DOK6: variants seen among roughly 807,000 people sequenced by gnomAD.
DOK6 encodes downstream of tyrosine kinase 6.
DOK6 carries 22 observed loss-of-function variants against 44.0 expected under a neutral mutation model. That is an observed-to-expected ratio of 0.50 (90% CI 0.36 to 0.71). The LOEUF is 0.71. DOK6 is among the 30% of genes least tolerant of loss of function. DOK6 has a pLI of 0.00. For missense variants in DOK6, 340 were observed against 416.4 expected (o/e 0.82, Z 1.60); for synonymous variants, 166 against 145.5 (o/e 1.14, Z -1.01).
chr18:69,636,740 C>A (rs140925342), intron 3 of DOK6, among the ~76,000 whole-genome samples: 2 of 152,138 alleles, frequency 1.3e-5, no homozygotes, highest in African/African-American at 2.4e-5. Context: ...TCAGTATTTG[C>A]CTTAAACTTA....
chr18:69,445,876 G>A (rs1175796650), intron 1 of DOK6, among the ~76,000 whole-genome samples: 1 of 151,990 alleles, frequency 6.6e-6, no homozygotes, highest in Non-Finnish European at 1.5e-5. Context: ...ACACAGCGAG[G>A]TTATGTCTTT....
At chr18:69,592,277 A>T (rs982969300) in intron 2 of DOK6, among the ~76,000 whole-genome samples, 9 of 149,552 alleles carry the variant, frequency 6.0e-5, no homozygotes, top group African/African-American at 2.2e-4. Context: ...TCCAAGTGTC[A>T]TGTCTACAAA....
rs913582691 is a variant in DOK6, at chr18:69,549,858, G to A, written c.67-14629G>A. The stretch of plus-strand genomic sequence containing the variant: ...TTAGATTTATCTAAGAAAACGTGGG[G>A]AAGAGTTTTTAATTTTTTTTTTTTT... On this transcript the variant is annotated intron_variant, in intron 1 of 7. Coordinates refer to ENST00000382713, the MANE Select transcript of DOK6 (RefSeq NM_152721.6). Among the ~76,000 whole-genome samples the A allele has an allele frequency of 2.2e-5, 3 of 134,416 alleles. 1 individual carries two copies. Among genetic ancestry groups the A allele is most frequent in the Non-Finnish European group, 4.8e-5 (3 of 62,100 alleles). The allele number at this position is 134,416 out of a possible 152,430, so 88.2% of individuals were successfully genotyped here. A position where few individuals can be genotyped will look rare whatever the true frequency, so the allele number is the denominator to read the frequency against.
intron 1 of DOK6, among the ~76,000 whole-genome samples, chr18:69,410,013 T>C (rs1433515133): frequency 2.6e-5 from 4 of 152,036 alleles, no homozygotes; most frequent in East Asian, 1.9e-4. Flanking sequence ...CCTTAAGTTT[T>C]AGCTATATAA....
At chr18:69,684,684 T>C (rs984020720) in intron 4 of DOK6, among the ~76,000 whole-genome samples, 4 of 152,180 alleles carry the variant, frequency 2.6e-5, no homozygotes, top group African/African-American at 7.2e-5. Context: ...GCTTATATCA[T>C]CCTGTATAAA....
chr18:69,745,886 A>G (rs1376989632), intron 6 of DOK6, among the ~76,000 whole-genome samples: 1 of 152,234 alleles, frequency 6.6e-6, no homozygotes, highest in Non-Finnish European at 1.5e-5. Context: ...CTAAAAATTC[A>G]TCCCAGCTTT....
intron 5 of DOK6, among the ~76,000 whole-genome samples, chr18:69,710,641 A>T (rs1420183625): frequency 1.3e-5 from 2 of 152,244 alleles, no homozygotes. Flanking sequence ...GTGCTAATGT[A>T]GAGCAAAATT....
At chr18:69,838,512 T>C (rs1055664619) in intron 7 of DOK6, among the ~76,000 whole-genome samples, 2 of 152,132 alleles carry the variant, frequency 1.3e-5, no homozygotes, top group African/African-American at 4.8e-5. Flanking sequence ...CCAATCCTAT[T>C]TGGCGATTAC....
chr18:69,546,693 A>G (rs1175424890), intron 1 of DOK6, among the ~76,000 whole-genome samples: 3 of 151,476 alleles, frequency 2.0e-5, no homozygotes, highest in Non-Finnish European at 3.0e-5. Flanking sequence ...AATATTTTGC[A>G]TATTCTTGGG....
At chr18:69,560,894 A>G (rs1267865509) in intron 1 of DOK6, among the ~76,000 whole-genome samples, 1 of 152,062 alleles carries the variant, frequency 6.6e-6, no homozygotes, top group Non-Finnish European at 1.5e-5. Flanking sequence ...TTGTAGTTTC[A>G]TAGTCTGTAC....
At chr18:69,478,160 A>G (rs1980319807) in intron 1 of DOK6, among the ~76,000 whole-genome samples, 1 of 152,194 alleles carries the variant, frequency 6.6e-6, no homozygotes, top group South Asian at 2.1e-4. Context: ...CCATTAGCTC[A>G]GTGTGGTGGA....
At chr18:69,819,366 C>A (rs866529327) in intron 7 of DOK6, among the ~76,000 whole-genome samples, 1 of 152,184 alleles carries the variant, frequency 6.6e-6, no homozygotes, top group Admixed American at 6.5e-5. Context: ...AACAAGCAAG[C>A]AGCTCCTCAC....
chr18:69,462,147 G>A (rs1390340034), intron 1 of DOK6, among the ~76,000 whole-genome samples: 4 of 152,000 alleles, frequency 2.6e-5, no homozygotes, highest in Non-Finnish European at 5.9e-5. Flanking sequence ...TCCCCTATGT[G>A]CTTTCATGCC....
intron 1 of DOK6, among the ~76,000 whole-genome samples, chr18:69,459,792 T>C (rs1979737398): frequency 6.6e-6 from 1 of 152,228 alleles, no homozygotes; most frequent in African/African-American, 2.4e-5. Context: ...CTTTTGGTGC[T>C]TGGCTTGAAT....
At chr18:69,778,919 T>C (rs1242076447) in intron 7 of DOK6, among the ~76,000 whole-genome samples, 1 of 151,964 alleles carries the variant, frequency 6.6e-6, no homozygotes, top group Non-Finnish European at 1.5e-5. Context: ...CCCTAATGAG[T>C]GGAATGGGGA....
chr18:69,495,671 C>A (rs1462211108), intron 1 of DOK6, among the ~76,000 whole-genome samples: 2 of 152,210 alleles, frequency 1.3e-5, no homozygotes, highest in Non-Finnish European at 2.9e-5. Context: ...CCCTTCCCAG[C>A]CTGAAAGTAG....
chr18:69,551,112 A>T (rs17081233), intron 1 of DOK6, among the ~76,000 whole-genome samples: 3,340 of 152,318 alleles, frequency 0.022, 98 homozygotes, highest in African/African-American at 0.069. Context: ...GAAAGGATGA[A>T]GTTGAATTTT....
chr18:69,822,209 C>G (rs1212823413), intron 7 of DOK6, among the ~76,000 whole-genome samples: 2 of 152,092 alleles, frequency 1.3e-5, no homozygotes, highest in Non-Finnish European at 1.5e-5. Context: ...AATTTTGAAG[C>G]CTCCACCTTT....
In DOK6 at chr18:69,549,027, C is replaced by T. The variant is rs570984880; in HGVS notation, c.67-15460C>T. On this transcript the variant is annotated intron_variant, in intron 1 of 7. Transcript: ENST00000382713. ...GGAGAATGGCGTGAACCCCGGGTGA[C>T]GGAGCCTGCAGTGAGCCAAGATCGC... Among the ~76,000 whole-genome samples the T allele has an allele frequency of 7.1e-4, 106 of 149,346 alleles. 2 individuals carry two copies. The highest frequency in any genetic ancestry group is 2.3e-3 in the African/African-American group (95 of 41,066).
Sources: allele counts gnomAD v4.1 joint callset (sites outside exome capture counted in the v4.1 genomes callset), GRCh38; gene constraint gnomAD v4.1.1; transcripts MANE v1.5; gene names NCBI Gene and HGNC (gene_info 2026-07-23, HGNC 2026-07-21).